Variants in ARHGEF10L observed in about 807,000 individuals in gnomAD.
The protein encoded by ARHGEF10L is Rho guanine nucleotide exchange factor 10 like, also known as rho guanine nucleotide exchange factor 10-like protein.
ARHGEF10L carries 69 observed loss-of-function variants against 141.2 expected under a neutral mutation model. The ratio of observed to expected loss-of-function variants is 0.49; its 90% CI spans 0.40 to 0.60. ARHGEF10L has a LOEUF of 0.60. Among genes scored for constraint, ARHGEF10L ranks in the 20% least tolerant of loss-of-function variants. The pLI, the probability that ARHGEF10L is intolerant of heterozygous loss-of-function variation, is 0.00. For missense variants in ARHGEF10L, 1,482 were observed against 1,734.3 expected, an observed-to-expected ratio of 0.85 and a Z score of 2.58; for synonymous variants, 711 against 718.5, an observed-to-expected ratio of 0.99 and a Z score of 0.17.
At position 17,618,313 on chromosome 1, in the gene ARHGEF10L, G is replaced by A. The variant is rs757720478; in HGVS notation, c.836-1026G>A. 3.2e-5 allele frequency: 49 copies of A among 1,512,218 alleles called. No individual in the cohort carries two copies. The Admixed American group carries it at 3.6e-4, about 11-fold the overall frequency. The allele number at this position is 1,512,218 out of a possible 1,614,324, so 93.7% of individuals were successfully genotyped here. A position where few individuals can be genotyped will look rare whatever the true frequency, so the allele number is the denominator to read the frequency against. ...CTGAAGTGACCCTCCCTGCAGAGGC[G>A]ATATTAATAGCCGTGGCAGGGCTCG... On this transcript the variant is annotated intron_variant, in intron 9 of 28. Transcript: ENST00000361221.
At chr1:17,592,876 C>T (rs936680878) in intron 4 of ARHGEF10L, among the ~76,000 whole-genome samples, 5 of 152,128 alleles carry the variant, frequency 3.3e-5, no homozygotes, top group Admixed American at 2.0e-4. Context: ...CATGGAGTCC[C>T]CCATGGGAGG....
In ARHGEF10L at chr1:17,634,543, C is replaced by G. The variant is rs142832607; in HGVS notation, c.1731-5C>G. ...TCTCCCTTTCCTTCTTGTCTTTTTT[C>G]CCAGGCCTGCCAACCACAGGTACGT... On this transcript the variant is annotated splice_region_variant and splice_polypyrimidine_tract_variant and intron_variant, in intron 16 of 28. Coordinates refer to ENST00000361221, the MANE Select transcript of ARHGEF10L (RefSeq NM_018125.4). 1,110 of 1,614,046 alleles carry G rather than the reference C, an allele frequency of 6.9e-4. 12 individuals carry two copies. In the East Asian group the frequency reaches 0.019, roughly 27 times the overall value.
At chr1:17,532,161 C>G in the ARHGEF10L span, among the ~76,000 whole-genome samples, 1 of 152,156 alleles carries the variant, frequency 6.6e-6, no homozygotes, top group Non-Finnish European at 1.5e-5. Flanking sequence ...TCTCCCTGCT[C>G]CCTCTCCTCA....
chr1:17,675,862 ACAGGTGTGGGTG>A (rs2063647343), intron 26 of ARHGEF10L, among the ~76,000 whole-genome samples: 1 of 72,786 alleles, frequency 1.4e-5, no homozygotes, highest in Non-Finnish European at 2.8e-5. Context: ...AGGTGTGGGT[ACAGGTGTGGGTG>A]CAGGTGTAGG....
At chr1:17,645,557 G>C (rs1324106250) in intron 21 of ARHGEF10L, among the ~76,000 whole-genome samples, 12 of 152,112 alleles carry the variant, frequency 7.9e-5, no homozygotes, top group Admixed American at 7.9e-4. Flanking sequence ...AGAGCTCTTG[G>C]CTGGTAGAGG....
rs1570590226 is a variant in ARHGEF10L, at chr1:17,580,727, CGGGTG to C, written c.37+98_37+102del. 19 of 1,492,978 alleles carry C rather than the reference CGGGTG, an allele frequency of 1.3e-5. No homozygotes were observed. In the East Asian group the frequency reaches 4.5e-4, roughly 35 times the overall value. The allele number at this position is 1,492,978 out of a possible 1,614,324, so 92.5% of individuals were successfully genotyped here. On this transcript the variant is annotated intron_variant, in intron 2 of 28. Transcript: ENST00000361221. ...GCCTTGCTCTGGAGCAGCATGGCGC[CGGGTG>C]GGAAGTCTGCTCTGCTGGCTGCTGG... is the stretch of plus-strand genomic sequence containing the variant.
At chr1:17,553,146 C>G (rs2077178456) in intron 1 of ARHGEF10L, among the ~76,000 whole-genome samples, 1 of 152,320 alleles carries the variant, frequency 6.6e-6, no homozygotes, top group East Asian at 1.9e-4. Context: ...GCCTTCTGCT[C>G]CTTTCACTCC....
chr1:17,601,309 T>A (rs1205406681), intron 4 of ARHGEF10L, among the ~76,000 whole-genome samples: 2 of 152,202 alleles, frequency 1.3e-5, no homozygotes, highest in Non-Finnish European at 2.9e-5. Flanking sequence ...TCGGGACGTG[T>A]CTGCTGGGCT....
At position 17,619,309 on chromosome 1, in the gene ARHGEF10L, G is replaced by A. The variant is rs762209350; in HGVS notation, c.836-30G>A. ...AGCAGGGTGTGCTGTCCCTGCCTTA[G>A]CTGTGTCATCGGCCCATCTGACTTT... On this transcript the variant is annotated intron_variant, in intron 9 of 28. Coordinates refer to ENST00000361221, the MANE Select transcript of ARHGEF10L (RefSeq NM_018125.4). This position sits in a 1 kb window ranked among gnomAD's most constrained non-coding sequence, Gnocchi z 5.0. 6.2e-6 allele frequency: 10 copies of A among 1,601,356 alleles called. No individual in the cohort carries two copies. In the East Asian group the frequency reaches 1.3e-4, roughly 21 times the overall value.
chr1:17,664,621 GC>G, intron 26 of ARHGEF10L, 26 bp downstream of exon 26: 1 of 1,496,910 alleles, frequency 6.7e-7, no homozygotes. Context: ...TTGGCTTGTG[GC>G]CCTGGAGGCC....
intron 2 of ARHGEF10L, among the ~76,000 whole-genome samples, chr1:17,584,886 C>T (rs1446460595): frequency 6.6e-6 from 1 of 152,062 alleles, no homozygotes; most frequent in African/African-American, 2.4e-5. Flanking sequence ...CACACCCCTA[C>T]CCAATGTGTA....
At chr1:17,565,713 G>GTGCAGCTCC (rs1331266325) in intron 1 of ARHGEF10L, among the ~76,000 whole-genome samples, 1 of 152,196 alleles carries the variant, frequency 6.6e-6, no homozygotes, top group African/African-American at 2.4e-5. Flanking sequence ...GGGCAGGAGG[G>GTGCAGCTCC]TGCAGCTCCT....
At chr1:17,523,000 A>T in the ARHGEF10L span, among the ~76,000 whole-genome samples, 1 of 151,774 alleles carries the variant, frequency 6.6e-6, no homozygotes, top group African/African-American at 2.4e-5. Flanking sequence ...GGAAGCTGAG[A>T]TGGAAGGATC....
intron 1 of ARHGEF10L, among the ~76,000 whole-genome samples, chr1:17,548,693 G>A (rs1348248721): frequency 8.9e-6 from 1 of 112,266 alleles, no homozygotes; most frequent in Non-Finnish European, 1.7e-5. Flanking sequence ...TTGCTCTGTT[G>A]CCCAGGCTGG....
chr1:17,540,557 C>A (rs1348669308), intron 1 of ARHGEF10L, among the ~76,000 whole-genome samples: 1 of 152,148 alleles, frequency 6.6e-6, no homozygotes, highest in Non-Finnish European at 1.5e-5. Context: ...TGAAGACCAG[C>A]CCCCCTGGAG....
intron 15 of ARHGEF10L, among the ~76,000 whole-genome samples, chr1:17,631,420 C>T (rs1025655412): frequency 2.0e-5 from 3 of 152,208 alleles, no homozygotes; most frequent in Non-Finnish European, 2.9e-5. Context: ...TCTTTGTCCT[C>T]AGAGGGTGGT....
intron 1 of ARHGEF10L, among the ~76,000 whole-genome samples, chr1:17,542,596 A>C (rs540195680): frequency 2.0e-4 from 31 of 152,354 alleles, no homozygotes; most frequent in Non-Finnish European, 4.3e-4. Context: ...GAGTGGAAAG[A>C]ATACATGTAA....
chr1:17,583,421 T>C (rs2078756255), intron 2 of ARHGEF10L, among the ~76,000 whole-genome samples: 2 of 152,070 alleles, frequency 1.3e-5, no homozygotes, highest in African/African-American at 4.8e-5. Context: ...ATGGTGATAA[T>C]AATAAGCAGA....
chr1:17,675,223 G>A lies in ARHGEF10L; in HGVS notation c.3009+10628G>A, dbSNP rs368079717. 1.4e-4 allele frequency among the ~76,000 whole-genome samples: 21 copies of A among 152,288 alleles called. No individual in the cohort carries two copies. The East Asian group carries it at 3.1e-3, about 22-fold the overall frequency. On this transcript the variant is annotated intron_variant, in intron 26 of 28. Transcript: ENST00000361221. ...CAGTCTTGGATGTGGATTTACATGT[G>A]GAAACAGAACCACCCTTCCCTGCAG...
Sources: allele counts gnomAD v4.1 joint callset (sites outside exome capture counted in the v4.1 genomes callset), GRCh38; gene constraint gnomAD v4.1.1; non-coding constraint Gnocchi (gnomAD v3.1); transcripts MANE v1.5; gene names NCBI Gene and HGNC (gene_info 2026-07-23, HGNC 2026-07-21).